The following KIF11 variants were observed in gnomAD, a reference collection of about 807,000 sequenced individuals.
KIF11 encodes the protein kinesin family member 11.
KIF11 carries 9 observed loss-of-function variants against 121.0 expected under a neutral mutation model. That is an observed-to-expected ratio of 0.07 (90% confidence interval 0.04 to 0.13). The LOEUF (loss-of-function observed/expected upper bound fraction) is 0.13. Among genes scored for constraint, KIF11 ranks in the 10% least tolerant of loss-of-function variants. The pLI is 1.00. For missense variants in KIF11, 846 were observed against 1,217.5 expected, an observed-to-expected ratio of 0.69 and a Z score of 4.54; for synonymous variants, 408 against 421.0, an observed-to-expected ratio of 0.97 and a Z score of 0.38.
intron 8 of KIF11, among the ~76,000 whole-genome samples, chr10:92,615,840 T>A (rs978539128): frequency 2.2e-5 from 3 of 134,038 alleles, no homozygotes; most frequent in Non-Finnish European, 3.1e-5. Flanking sequence ...TGGGATTTTT[T>A]TGTTTTTTTT....
intron 11 of KIF11, among the ~76,000 whole-genome samples, 175 bp downstream of exon 11, chr10:92,629,070 T>C (rs1339348272): frequency 6.6e-6 from 1 of 152,056 alleles, no homozygotes; most frequent in Non-Finnish European, 1.5e-5. Context: ...AACCTCTGCC[T>C]CCCAGGGTCA....
At chr10:92,640,880 G>A (rs140996236) in intron 17 of KIF11, among the ~76,000 whole-genome samples, 18 of 152,232 alleles carry the variant, frequency 1.2e-4, no homozygotes, top group African/African-American at 4.1e-4. Context: ...CCGAGTAGCT[G>A]GGATTACAGG....
chr10:92,643,884 A>G (rs182532325), intron 17 of KIF11, among the ~76,000 whole-genome samples: 19 of 152,294 alleles, frequency 1.2e-4, no homozygotes, highest in Admixed American at 2.6e-4. Flanking sequence ...GCTATCATTT[A>G]TATATCCCTA....
chr10:92,654,726 C>T lies in KIF11; in HGVS notation c.*930C>T, dbSNP rs1265678623. 6.6e-6 allele frequency: 1 copy of T among 152,088 alleles called. No homozygotes were observed. The highest frequency in any genetic ancestry group is 1.5e-5 in the Non-Finnish European group (1 of 67,992). 9.4% of individuals were successfully genotyped at this position (152,088 alleles called of 1,614,324 possible). A position where few individuals can be genotyped will look rare whatever the true frequency, so the allele number is the denominator to read the frequency against. On this transcript the variant is annotated 3_prime_UTR_variant, in exon 22 of 22. Coordinates refer to ENST00000260731, the MANE Select transcript of KIF11 (RefSeq NM_004523.4). The stretch of plus-strand genomic sequence containing the variant: ...GTATCCCTCCTTTCAGTATTTTTCA[C>T]TTGTTGCCCCAAATGTGAAAGCATT...
chr10:92,623,611 T>G (rs932832915), intron 10 of KIF11, among the ~76,000 whole-genome samples: 4 of 152,206 alleles, frequency 2.6e-5, no homozygotes, highest in Non-Finnish European at 4.4e-5. Flanking sequence ...CTTCCAACTG[T>G]CATAATGTAT....
chr10:92,639,582 G>A (rs1034878289), intron 16 of KIF11, among the ~76,000 whole-genome samples: 2 of 151,740 alleles, frequency 1.3e-5, no homozygotes, highest in African/African-American at 4.8e-5. Context: ...AACAGAGTGA[G>A]ACCCTGTCTC....
intron 1 of KIF11, among the ~76,000 whole-genome samples, chr10:92,604,194 G>T (rs777685457): frequency 2.6e-5 from 4 of 152,162 alleles, no homozygotes; most frequent in Admixed American, 6.5e-5. Flanking sequence ...TAATGACTTG[G>T]CAGTACTCTT....
At chr10:92,620,241 C>T (rs918649089) in intron 9 of KIF11, among the ~76,000 whole-genome samples, 17 of 152,022 alleles carry the variant, frequency 1.1e-4, no homozygotes, top group Admixed American at 3.3e-4. Flanking sequence ...TCACCACGCC[C>T]GGCTAATTTT....
At chr10:92,637,053 A>G (rs1844810768) in intron 14 of KIF11, 131 bp from the exon 15 acceptor site, 3 of 659,126 alleles carry the variant, frequency 4.6e-6, no homozygotes, top group Non-Finnish European at 7.0e-6. Context: ...AAAAAAAAAA[A>G]GAATGGAGAA....
chr10:92,648,454 G>C lies in KIF11; in HGVS notation c.2770+20G>C, dbSNP rs111279281. The C allele has an allele frequency of 1.4e-5, 21 of 1,480,368 alleles. No homozygotes were observed. The highest frequency in any genetic ancestry group is 1.1e-5 in the Non-Finnish European group (12 of 1,089,084). The allele number at this position is 1,480,368 out of a possible 1,614,324, so 91.7% of individuals were successfully genotyped here. A position where few individuals can be genotyped will look rare whatever the true frequency, so the allele number is the denominator to read the frequency against. On this transcript the variant is annotated intron_variant, in intron 19 of 21. Transcript: ENST00000260731. ...CAACAGGTACTTTAAAAGAGAAATA[G>C]AATTGTTAAATTTTTTGAAGTCGAA...
intron 10 of KIF11, among the ~76,000 whole-genome samples, chr10:92,627,949 T>C (rs952662262): frequency 4.6e-5 from 7 of 152,220 alleles, no homozygotes; most frequent in Non-Finnish European, 1.0e-4. Context: ...AATGCTCATT[T>C]CTAGTCCCTA....
In KIF11 at chr10:92,593,178, G is replaced by T. The variant is rs1844249703; in HGVS notation, c.-198G>T. On this transcript the variant is annotated 5_prime_UTR_variant, in exon 1 of 22. Transcript: ENST00000260731. ...ACGAGATTAGTGATTTGGCGGCTCC[G>T]ACTGGCGCGGGACAAACGCCACGGC... 5.5e-6 allele frequency: 3 copies of T among 544,564 alleles called. No homozygotes were observed. The highest frequency in any genetic ancestry group is 3.5e-5 in the Admixed American group (1 of 28,748). The allele number at this position is 544,564 out of a possible 1,614,324, so 33.7% of individuals were successfully genotyped here. A position where few individuals can be genotyped will look rare whatever the true frequency, so the allele number is the denominator to read the frequency against.
chr10:92,605,087 A>G (rs928976019), intron 1 of KIF11, among the ~76,000 whole-genome samples: 1 of 152,184 alleles, frequency 6.6e-6, no homozygotes, highest in African/African-American at 2.4e-5. Flanking sequence ...TATAGCAGAC[A>G]TTTAATGTGG....
In KIF11 at chr10:92,630,062, C is replaced by A. The variant is rs1293998116; in HGVS notation, c.1306-114C>A. ...GGATGACATATTTGTGTTAACCTAC[C>A]GGGTAACTTCTTACAACTTTTGCAT... On this transcript the variant is annotated intron_variant, in intron 11 of 21. Transcript: ENST00000260731. 1.0e-5 allele frequency: 6 copies of A among 580,124 alleles called. No individual in the cohort carries two copies. In the South Asian group the frequency reaches 1.3e-4, roughly 13 times the overall value. 35.9% of individuals were successfully genotyped at this position (580,124 alleles called of 1,614,324 possible).
chr10:92,615,362 C>T (rs1337489723), intron 8 of KIF11, among the ~76,000 whole-genome samples: 2 of 151,828 alleles, frequency 1.3e-5, no homozygotes, highest in South Asian at 2.1e-4. Context: ...GCCGAGATTG[C>T]GCCATTGCAC....
rs752872416 is a variant in KIF11 at position 92,649,880 on chromosome 10, T to G, written c.2816T>G (p.Val939Gly). The change falls in exon 20 of 22, where the codon GTA becomes GGA. Residue 939 changes from valine to glycine, a missense_variant. Around this residue, in one of 5 missense-constraint regions of KIF11, gnomAD observed 492 missense variants for 603.4 expected, o/e 0.82. Coordinates refer to ENST00000260731, the MANE Select transcript of KIF11 (RefSeq NM_004523.4). ...RKSYLYPSTL[V>G]RTEPREHLLD... ...AGTTATTTATACCCATCAACACTGG[T>G]AAGAACTGAACCACGTGAACATCTC... 30 of 1,612,838 alleles carry G rather than the reference T, an allele frequency of 1.9e-5. No individual in the cohort carries two copies. The highest frequency in any genetic ancestry group is 4.2e-6 in the Non-Finnish European group (5 of 1,179,084).
chr10:92,606,771 T>G, intron 3 of KIF11, 55 bp downstream of exon 3: 2 of 910,244 alleles, frequency 2.2e-6, no homozygotes, highest in South Asian at 2.7e-5. Flanking sequence ...GCTTGTGTTT[T>G]TTGTTGTTGT....
intron 16 of KIF11, among the ~76,000 whole-genome samples, chr10:92,638,808 A>G (rs1006647551): frequency 1.3e-5 from 2 of 152,246 alleles, no homozygotes; most frequent in Non-Finnish European, 2.9e-5. Flanking sequence ...ATACTGACAG[A>G]CTTTATTCAT....
At chr10:92,617,176 G>T (rs543286998) in intron 9 of KIF11, among the ~76,000 whole-genome samples, 2 of 152,292 alleles carry the variant, frequency 1.3e-5, no homozygotes, top group South Asian at 2.1e-4. Context: ...TTACAGAGTT[G>T]TGGAGTATAA....
Sources: allele counts gnomAD v4.1 joint callset (sites outside exome capture counted in the v4.1 genomes callset), GRCh38; gene constraint gnomAD v4.1.1; regional missense constraint gnomAD v4.1.1; transcripts MANE v1.5; gene names NCBI Gene and HGNC (gene_info 2026-07-23, HGNC 2026-07-21).